The following CHPT1 variants were observed in gnomAD, a reference collection of about 807,000 sequenced individuals.
CHPT1 encodes cholinephosphotransferase 1.
Under a neutral mutation model 47.6 loss-of-function variants are expected in CHPT1, and 36 were observed. That is an observed-to-expected ratio of 0.76 (90% CI 0.58 to 1.00). CHPT1 has a LOEUF of 1.00. Ranked by LOEUF, CHPT1 falls within the 50% of genes least tolerant of loss-of-function variation. The pLI is 0.00. For synonymous variants in CHPT1, 194 were observed against 186.3 expected (o/e 1.04, Z -0.33); for missense variants, 458 against 498.1 (o/e 0.92, Z 0.77).
rs117657799 is a variant in CHPT1 at position 101,721,487 on chromosome 12, C to T, written c.780+1233C>T. Among the ~76,000 whole-genome samples the T allele has an allele frequency of 4.2e-4, 64 of 152,192 alleles. 1 individual carries two copies. The East Asian group carries it at 0.011, about 25-fold the overall frequency. ...AAGACGTGTAAGTAGACTTTCGAGA[C>T]AATTTCAAAGGGATCCTCATAATTG... On this transcript the variant is annotated intron_variant, in intron 5 of 8. Transcript: ENST00000229266.
intron 1 of CHPT1, among the ~76,000 whole-genome samples, chr12:101,700,745 C>T (rs77604711): frequency 0.026 from 3,962 of 152,250 alleles, 77 homozygotes; most frequent in African/African-American, 0.03. Flanking sequence ...GCAAGTTTTC[C>T]GCTTCCTACA....
At chr12:101,709,415 A>G (rs1236565159) in intron 1 of CHPT1, among the ~76,000 whole-genome samples, 1 of 144,738 alleles carries the variant, frequency 6.9e-6, no homozygotes, top group East Asian at 2.0e-4. Context: ...AAAAAAGTCT[A>G]ATCTATAATT....
At chr12:101,722,124 G>T (rs562321087) in intron 5 of CHPT1, among the ~76,000 whole-genome samples, 8 of 151,748 alleles carry the variant, frequency 5.3e-5, no homozygotes, top group Non-Finnish European at 1.2e-4. Flanking sequence ...TTAAACACAA[G>T]TTAGGAAGTG....
intron 6 of CHPT1, 72 bp from the exon 7 acceptor site, chr12:101,723,650 A>T: frequency 2.1e-6 from 2 of 945,870 alleles, no homozygotes; most frequent in Non-Finnish European, 3.1e-6. Flanking sequence ...TTAAAGTTAT[A>T]ATTAATTCTG....
intron 1 of CHPT1, among the ~76,000 whole-genome samples, chr12:101,699,140 T>A (rs558158168): frequency 1.4e-4 from 21 of 152,234 alleles, no homozygotes; most frequent in African/African-American, 4.3e-4. Context: ...TGGAGTGCCG[T>A]GCCGTGGCTC....
At chr12:101,707,224 A>G (rs1196595830) in intron 1 of CHPT1, among the ~76,000 whole-genome samples, 1 of 152,150 alleles carries the variant, frequency 6.6e-6, no homozygotes, top group African/African-American at 2.4e-5. Context: ...ATTGGGTGAG[A>G]AGAGTGTTTA....
intron 1 of CHPT1, among the ~76,000 whole-genome samples, chr12:101,701,285 C>T (rs1238412277): frequency 6.6e-6 from 1 of 152,108 alleles, no homozygotes; most frequent in Non-Finnish European, 1.5e-5. Flanking sequence ...ACTATGTACC[C>T]ATCTTTCAAT....
intron 1 of CHPT1, among the ~76,000 whole-genome samples, chr12:101,710,277 C>T (rs1951687627): frequency 1.3e-5 from 2 of 148,862 alleles, no homozygotes; most frequent in South Asian, 2.1e-4. Context: ...GCCTGGGAGG[C>T]GGATGTTGCA....
At chr12:101,704,977 A>G (rs1951610479) in intron 1 of CHPT1, among the ~76,000 whole-genome samples, 1 of 87,390 alleles carries the variant, frequency 1.1e-5, no homozygotes, top group East Asian at 2.7e-4. Flanking sequence ...CATCCAACTC[A>G]TTTAGCCAGT....
intron 1 of CHPT1, among the ~76,000 whole-genome samples, chr12:101,702,949 T>C (rs1353339791): frequency 6.6e-6 from 1 of 152,160 alleles, no homozygotes; most frequent in Non-Finnish European, 1.5e-5. Flanking sequence ...GCCTCACCCT[T>C]AGTCCCCGGC....
intron 1 of CHPT1, among the ~76,000 whole-genome samples, chr12:101,708,346 T>G (rs1296342753): frequency 6.6e-6 from 1 of 152,202 alleles, no homozygotes; most frequent in East Asian, 1.9e-4. Context: ...GGTTTTTTTT[T>G]AATGACAAGG....
chr12:101,722,035 G>A (rs887393355), intron 5 of CHPT1, among the ~76,000 whole-genome samples: 1 of 151,708 alleles, frequency 6.6e-6, no homozygotes, highest in Non-Finnish European at 1.5e-5. Context: ...CTTAAGCCTG[G>A]GTGACAGAGC....
rs1952040058 is a variant in CHPT1 at position 101,728,684 on chromosome 12, G to C, written c.1177-217G>C. On this transcript the variant is annotated intron_variant, in intron 8 of 8. Coordinates refer to ENST00000229266, the MANE Select transcript of CHPT1 (RefSeq NM_020244.3). ...CGTCTTTATTTAATTGACAGTGTTAGAGAGAAAAATTCACTATCATTACTA... is the reference window on the plus strand; with the variant it reads ...CGTCTTTATTTAATTGACAGTGTTACAGAGAAAAATTCACTATCATTACTA... 1 of 514,164 alleles carries C rather than the reference G, an allele frequency of 1.9e-6. No homozygotes were observed. Among genetic ancestry groups the C allele is most frequent in the East Asian group, 3.3e-5 (1 of 30,026 alleles). The allele number at this position is 514,164 out of a possible 1,614,324, so 31.9% of individuals were successfully genotyped here. A position where few individuals can be genotyped will look rare whatever the true frequency, so the allele number is the denominator to read the frequency against.
chr12:101,725,623 C>CA (rs11476991), intron 7 of CHPT1, among the ~76,000 whole-genome samples: 212 of 119,520 alleles, frequency 1.8e-3, no homozygotes, highest in Admixed American at 3.5e-3. Flanking sequence ...ATGTGGATGA[C>CA]AAAAAAAAAA....
chr12:101,700,341 G>A (rs1358687915), intron 1 of CHPT1, among the ~76,000 whole-genome samples: 1 of 150,310 alleles, frequency 6.7e-6, no homozygotes, highest in African/African-American at 2.4e-5. Context: ...AAAAAAAAAG[G>A]GTGGAGGGTG....
At chr12:101,722,083 T>C (rs1447474975) in intron 5 of CHPT1, among the ~76,000 whole-genome samples, 1 of 152,004 alleles carries the variant, frequency 6.6e-6, no homozygotes, top group Non-Finnish European at 1.5e-5. Context: ...ATATTTTCAT[T>C]AAAAAAACTG....
chr12:101,704,293 G>T (rs1222083446), intron 1 of CHPT1, among the ~76,000 whole-genome samples: 2 of 149,716 alleles, frequency 1.3e-5, no homozygotes, highest in East Asian at 2.0e-4. Context: ...ATCTATACTT[G>T]CTTTTATTTA....
chr12:101,702,406 A>G (rs986427509), intron 1 of CHPT1, among the ~76,000 whole-genome samples: 1 of 152,214 alleles, frequency 6.6e-6, no homozygotes. Context: ...TCTTGTGTTT[A>G]TGATGATAAA....
At chr12:101,722,981 G>C (rs1178099038) in intron 5 of CHPT1, among the ~76,000 whole-genome samples, 187 bp from the exon 6 acceptor site, 1 of 152,154 alleles carries the variant, frequency 6.6e-6, no homozygotes, top group Admixed American at 6.5e-5. Flanking sequence ...ACTGTATTAT[G>C]TCTCTGTCAC....
Sources: gnomAD v4.1 joint callset for allele counts (sites outside exome capture counted in the v4.1 genomes callset) on GRCh38, gnomAD v4.1.1 for gene constraint, MANE v1.5 for transcripts, NCBI Gene and HGNC (gene_info 2026-07-23, HGNC 2026-07-21) for gene names.